The following FLACC1 variants were observed in gnomAD, a reference collection of about 807,000 sequenced individuals.
FLACC1 encodes the protein flagellum associated containing coiled-coil domains 1, also known as flagellum-associated coiled-coil domain-containing protein 1.
A neutral mutation model predicts 62.8 loss-of-function variants in FLACC1; 66 were observed. The observed-to-expected ratio is 1.05, with a 90% confidence interval of 0.86 to 1.29. The LOEUF (loss-of-function observed/expected upper bound fraction) is 1.29, where lower values mean the gene tolerates loss of function less well. Among genes scored for constraint, FLACC1 ranks in the 50% most tolerant of loss-of-function variants. FLACC1 has a pLI of 0.00. For synonymous variants in FLACC1, 156 were observed against 161.0 expected, an observed-to-expected ratio of 0.97 and a Z score of 0.24; for missense variants, 452 against 489.1, an observed-to-expected ratio of 0.92 and a Z score of 0.71.
At chr2:201,309,111 A>G (rs1159874840) in intron 10 of FLACC1, 40 bp downstream of exon 10, 1 of 1,563,014 alleles carries the variant, frequency 6.4e-7, no homozygotes, top group East Asian at 2.2e-5. Context: ...CAGTTTTTTA[A>G]TGCACTTGTC....
chr2:201,352,787 C>A (rs1055483113), intron 1 of FLACC1, among the ~76,000 whole-genome samples: 2 of 152,164 alleles, frequency 1.3e-5, no homozygotes, highest in East Asian at 3.8e-4. Flanking sequence ...TGTTACCTTA[C>A]ATGGCAAAAG....
rs556555873 is a variant in FLACC1 at position 201,289,822 on chromosome 2, AT to A, written c.943-38del. 1.2e-4 allele frequency: 194 copies of A among 1,614,088 alleles called. No individual in the cohort carries two copies. The South Asian group carries it at 2.0e-3, about 17-fold the overall frequency. ...GAAGCTGTTGCAGGACATCATGCCA[AT>A]GTCTATTTATTTGGTCTCTTCTCCA... On this transcript the variant is annotated intron_variant, in intron 12 of 14. Coordinates refer to ENST00000392257, the MANE Select transcript of FLACC1 (RefSeq NM_001127391.3).
At chr2:201,291,189 A>T (rs1461971884) in intron 12 of FLACC1, among the ~76,000 whole-genome samples, 1 of 152,240 alleles carries the variant, frequency 6.6e-6, no homozygotes, top group East Asian at 1.9e-4. Flanking sequence ...TGGTTCTCCC[A>T]GCACGCAGCT....
At chr2:201,293,826 AC>A (rs1248971411) in intron 12 of FLACC1, among the ~76,000 whole-genome samples, 2 of 151,974 alleles carry the variant, frequency 1.3e-5, no homozygotes, top group African/African-American at 2.4e-5. Context: ...GCAAAAAAAA[AC>A]GATAAAGGGG....
the FLACC1 span, among the ~76,000 whole-genome samples, chr2:201,364,265 A>G: frequency 1.3e-5 from 2 of 152,200 alleles, no homozygotes; most frequent in Non-Finnish European, 2.9e-5. Context: ...AGGGGGGAAA[A>G]GGGAAAGGGA....
intron 7 of FLACC1, among the ~76,000 whole-genome samples, chr2:201,332,995 T>C (rs946783708): frequency 1.3e-5 from 2 of 152,244 alleles, no homozygotes; most frequent in African/African-American, 4.8e-5. Context: ...AACTTGGATG[T>C]TGTTAATAGT....
At chr2:201,309,547 T>G (rs1302273535) in intron 9 of FLACC1, among the ~76,000 whole-genome samples, 1 of 152,092 alleles carries the variant, frequency 6.6e-6, no homozygotes, top group Non-Finnish European at 1.5e-5. Flanking sequence ...TGAAGAAAGG[T>G]AGAGTTCTCC....
chr2:201,294,729 A>G (rs1177531767), intron 12 of FLACC1, among the ~76,000 whole-genome samples: 1 of 152,190 alleles, frequency 6.6e-6, no homozygotes, highest in Non-Finnish European at 1.5e-5. Flanking sequence ...AGGAAGTCAA[A>G]TTGTCCCTGT....
At chr2:201,328,625 C>A (rs1231348503) in intron 9 of FLACC1, among the ~76,000 whole-genome samples, 1 of 152,126 alleles carries the variant, frequency 6.6e-6, no homozygotes, top group East Asian at 1.9e-4. Flanking sequence ...AGGGTTTTGC[C>A]ATGTTGGCCA....
intron 11 of FLACC1, among the ~76,000 whole-genome samples, chr2:201,305,039 T>C (rs895492592): frequency 2.0e-5 from 3 of 152,172 alleles, no homozygotes; most frequent in Admixed American, 2.0e-4. Flanking sequence ...ACTTCATGTC[T>C]AAAACACCAA....
intron 7 of FLACC1, among the ~76,000 whole-genome samples, chr2:201,332,149 T>C (rs1416425745): frequency 1.3e-5 from 2 of 152,120 alleles, no homozygotes; most frequent in African/African-American, 4.8e-5. Flanking sequence ...TAATTATATA[T>C]ATTTATGGGG....
intron 1 of FLACC1, chr2:201,352,195 AG>A (rs1951040618): frequency 6.6e-6 from 1 of 152,202 alleles, no homozygotes; most frequent in Non-Finnish European, 1.5e-5. Flanking sequence ...ACTGAAGGGA[AG>A]AGAAATTCCC....
intron 7 of FLACC1, among the ~76,000 whole-genome samples, chr2:201,336,775 A>G (rs1950703761): frequency 6.6e-6 from 1 of 152,216 alleles, no homozygotes. Flanking sequence ...ACAGTATATA[A>G]GAGTTCCCTT....
upstream of FLACC1, among the ~76,000 whole-genome samples, chr2:201,358,388 G>A (rs1951150443): frequency 6.6e-6 from 1 of 150,818 alleles, no homozygotes; most frequent in African/African-American, 2.4e-5. Flanking sequence ...GACTACACAG[G>A]TGCACAGCAC....
At chr2:201,294,423 CAT>C in intron 12 of FLACC1, among the ~76,000 whole-genome samples, 1 of 152,314 alleles carries the variant, frequency 6.6e-6, no homozygotes, top group Middle Eastern at 3.4e-3. Flanking sequence ...ACAAAAACCA[CAT>C]GATTATCTCA....
chr2:201,330,938 G>T, intron 7 of FLACC1, 105 bp from the exon 8 acceptor site: 8 of 705,838 alleles, frequency 1.1e-5, no homozygotes, highest in South Asian at 8.8e-5. Flanking sequence ...AGGAAGTGAG[G>T]TTCTCACTTT....
chr2:201,337,902 C>T (rs1335058721), intron 7 of FLACC1, among the ~76,000 whole-genome samples: 1 of 152,268 alleles, frequency 6.6e-6, no homozygotes, highest in East Asian at 1.9e-4. Flanking sequence ...TATTCTGGCT[C>T]ATCTTTTGTT....
intron 3 of FLACC1, 117 bp from the exon 4 acceptor site, chr2:201,348,419 AG>A: frequency 3.8e-6 from 4 of 1,054,468 alleles, no homozygotes; most frequent in Non-Finnish European, 5.4e-6. Flanking sequence ...TGACCTTCTT[AG>A]GGGATCCCTA....
chr2:201,344,906 T>A (rs545956755), intron 5 of FLACC1, among the ~76,000 whole-genome samples: 12 of 152,314 alleles, frequency 7.9e-5, no homozygotes, highest in Admixed American at 7.2e-4. Flanking sequence ...TTTGCATGTC[T>A]AACTGAGCAC....
Sources: gnomAD v4.1 joint callset for allele counts (sites outside exome capture counted in the v4.1 genomes callset) on GRCh38, gnomAD v4.1.1 for gene constraint, MANE v1.5 for transcripts, NCBI Gene and HGNC (gene_info 2026-07-23, HGNC 2026-07-21) for gene names.